The following CTCFL variants were observed in gnomAD, a reference collection of about 807,000 sequenced individuals.
CTCFL encodes transcriptional repressor CTCFL.
A neutral mutation model predicts 67.4 loss-of-function variants in CTCFL; 36 were observed. The ratio of observed to expected loss-of-function variants is 0.53; its 90% CI spans 0.41 to 0.71. The LOEUF (loss-of-function observed/expected upper bound fraction) is 0.71. CTCFL is among the 30% of genes least tolerant of loss of function. The pLI is 0.00. For missense variants in CTCFL, 786 were observed against 835.2 expected, an observed-to-expected ratio of 0.94 and a Z score of 0.73; for synonymous variants, 324 against 302.3, an observed-to-expected ratio of 1.07 and a Z score of -0.75.
intron 10 of CTCFL, chr20:57,499,785 TCA>T: frequency 5.7e-6 from 1 of 176,090 alleles, no homozygotes; most frequent in Non-Finnish European, 1.1e-5. Flanking sequence ...ACAACAGGGT[TCA>T]CACTCATGAG....
chr20:57,514,470 A>G, intron 7 of CTCFL, 122 bp downstream of exon 7: 1 of 1,187,502 alleles, frequency 8.4e-7, no homozygotes, highest in Non-Finnish European at 1.2e-6. Flanking sequence ...AATTCGTCCC[A>G]GGGCCAAGTT....
At chr20:57,499,847 G>A in intron 10 of CTCFL, 1 of 450,040 alleles carries the variant, frequency 2.2e-6, no homozygotes, top group Non-Finnish European at 2.9e-6. Flanking sequence ...AGGCGGTGAT[G>A]CGCCCGATGG....
chr20:57,499,072 AC>A lies in CTCFL; in HGVS notation c.1841-372del, dbSNP rs1195962168. On this transcript the variant is annotated intron_variant, in intron 10 of 10. Transcript: ENST00000243914. Reference sequence around the variant, plus strand: ...ACATTGCCAGTGTCCCCTGAAGGTGACGGGGGGGGGGTGGGGGGGGGACACA... The same window carrying A: ...ACATTGCCAGTGTCCCCTGAAGGTGAGGGGGGGGGGTGGGGGGGGGACACA... Among the ~76,000 whole-genome samples, 46 of 3,746 alleles carry A rather than the reference AC, an allele frequency of 0.012. No individual in the cohort carries two copies. The East Asian group carries it at 0.2, about 16-fold the overall frequency. 2.5% of individuals were successfully genotyped at this position (3,746 alleles called of 152,430 possible).
intron 7 of CTCFL, chr20:57,514,021 G>GGGAGA: frequency 1.6e-6 from 1 of 623,968 alleles, no homozygotes; most frequent in Non-Finnish European, 2.4e-6. Context: ...CCCACTCTGT[G>GGGAGA]GGGTGTGACA....
chr20:57,499,680 TC>T, intron 10 of CTCFL: 1 of 196,606 alleles, frequency 5.1e-6, no homozygotes, highest in South Asian at 1.1e-4. Flanking sequence ...ATCTAGACAG[TC>T]CCATCTGGGG....
intron 7 of CTCFL, chr20:57,513,994 C>T: frequency 1.2e-6 from 1 of 835,214 alleles, no homozygotes; most frequent in African/African-American, 1.8e-5. Flanking sequence ...TGTTCCAAGA[C>T]CCTCTGGATT....
chr20:57,501,258 C>T (rs1163898744), intron 10 of CTCFL, among the ~76,000 whole-genome samples: 2 of 152,124 alleles, frequency 1.3e-5, no homozygotes, highest in African/African-American at 4.8e-5. Flanking sequence ...ACCAAATAAG[C>T]GTGAAGTGTG....
At chr20:57,524,276 G>C in intron 1 of CTCFL, 60 bp from the exon 2 acceptor site, 1 of 1,523,774 alleles carries the variant, frequency 6.6e-7, no homozygotes, top group Admixed American at 2.0e-5. Context: ...TATGAGGAGG[G>C]ATGCGGGGGG....
intron 6 of CTCFL, 152 bp downstream of exon 6, chr20:57,515,562 A>G (rs1481036512): frequency 7.7e-6 from 7 of 906,598 alleles, no homozygotes; most frequent in Non-Finnish European, 1.2e-5. Context: ...AAATAAAGGT[A>G]AAAGTACAGA....
At chr20:57,505,562 T>C (rs2068162199) in intron 9 of CTCFL, among the ~76,000 whole-genome samples, 1 of 152,212 alleles carries the variant, frequency 6.6e-6, no homozygotes, top group African/African-American at 2.4e-5. Flanking sequence ...GGCCTTAAAA[T>C]TTATTTTTCT....
At chr20:57,504,257 T>C (rs1414065782) in intron 9 of CTCFL, among the ~76,000 whole-genome samples, 1 of 147,122 alleles carries the variant, frequency 6.8e-6, no homozygotes, top group Admixed American at 6.8e-5. Context: ...ATTACAGGCA[T>C]GAGCCACTGC....
In CTCFL at chr20:57,514,591, C is replaced by T. The variant is rs1286516558; in HGVS notation, c.1330+1G>A. 1.2e-6 allele frequency: 2 copies of T among 1,614,068 alleles called. No individual in the cohort carries two copies. The highest frequency in any genetic ancestry group is 1.7e-5 in the Admixed American group (1 of 60,014). On this transcript the variant is annotated splice_donor_variant, in intron 7 of 10. Coordinates refer to ENST00000243914, the MANE Select transcript of CTCFL (RefSeq NM_001386993.1). LOFTEE classifies it high-confidence loss of function. ...AAAAGAAAGATCGCTAAACCACTCA[C>T]GTAGGTCGCTTTTCCGTGCAATGAT... is the stretch of plus-strand genomic sequence containing the variant.
chr20:57,514,052 A>G (rs1243634254), intron 7 of CTCFL, among the ~76,000 whole-genome samples: 1 of 152,214 alleles, frequency 6.6e-6, no homozygotes, highest in Admixed American at 6.5e-5. Context: ...TCACCGTGGT[A>G]GATGCGGATT....
At chr20:57,514,356 T>C (rs936095850) in intron 7 of CTCFL, among the ~76,000 whole-genome samples, 3 of 152,178 alleles carry the variant, frequency 2.0e-5, no homozygotes, top group Non-Finnish European at 2.9e-5. Context: ...AAAGGTCTTA[T>C]CACGTGCATA....
chr20:57,517,765 G>A (rs1191587096), intron 5 of CTCFL, among the ~76,000 whole-genome samples: 1 of 152,044 alleles, frequency 6.6e-6, no homozygotes, highest in South Asian at 2.1e-4. Flanking sequence ...CACAGGCTGC[G>A]TGCAGACCAC....
rs923194211 is a variant in CTCFL at position 57,512,673 on chromosome 20, G to A, written c.1410C>T (p.Arg470=). Residue 470 remains arginine (R), a synonymous_variant, in exon 8 of 11, where the codon CGC becomes CGT. Transcript: ENST00000243914. ...CRYCSAVFHE[R]YALIQHQKTH... ...TTTTCTGGTGCTGAATGAGGGCATA[G>A]CGTTCATGGAAGACAGCAGAACAGT... is the stretch of plus-strand genomic sequence containing the variant. 6.2e-7 allele frequency: 1 copy of A among 1,614,216 alleles called. No individual in the cohort carries two copies. Among genetic ancestry groups the A allele is most frequent in the African/African-American group, 1.3e-5 (1 of 75,052 alleles).
chr20:57,503,168 T>C (rs1414392923), intron 10 of CTCFL, among the ~76,000 whole-genome samples: 1 of 152,254 alleles, frequency 6.6e-6, no homozygotes, highest in East Asian at 1.9e-4. Context: ...GGACAGTCCC[T>C]GTAGCTGCAG....
intron 8 of CTCFL, among the ~76,000 whole-genome samples, chr20:57,510,181 G>C (rs942295352): frequency 6.6e-6 from 1 of 152,178 alleles, no homozygotes; most frequent in Non-Finnish European, 1.5e-5. Context: ...GCAATACTTT[G>C]AAGCAGTGTT....
At chr20:57,504,651 G>A (rs538037305) in intron 9 of CTCFL, among the ~76,000 whole-genome samples, 34 of 151,898 alleles carry the variant, frequency 2.2e-4, no homozygotes, top group African/African-American at 6.7e-4. Context: ...CAGGTCCACC[G>A]GCAGGGAGAC....
Sources: gnomAD v4.1 joint callset for allele counts (sites outside exome capture counted in the v4.1 genomes callset) on GRCh38, gnomAD v4.1.1 for gene constraint, MANE v1.5 for transcripts, NCBI Gene and HGNC (gene_info 2026-07-23, HGNC 2026-07-21) for gene names.